NCKAP5: variants seen among roughly 807,000 people sequenced by gnomAD.
NCKAP5 encodes the protein NCK associated protein 5.
A neutral mutation model predicts 167.0 loss-of-function variants in NCKAP5; 92 were observed. That is an observed-to-expected ratio of 0.55 (90% confidence interval 0.47 to 0.66). NCKAP5 has a LOEUF of 0.66. Among genes scored for constraint, NCKAP5 ranks in the 30% least tolerant of loss-of-function variants. The probability of loss-of-function intolerance (pLI) is 0.00; values close to 1 mark genes in which losing one functional copy is unlikely to be tolerated. For missense variants in NCKAP5, 2,378 were observed against 2,315.0 expected (o/e 1.03, Z -0.56); for synonymous variants, 891 against 877.4 (o/e 1.02, Z -0.27).
At chr2:132,787,082 GCTCACA>G (rs1352604610) in intron 13 of NCKAP5, among the ~76,000 whole-genome samples, 2 of 152,176 alleles carry the variant, frequency 1.3e-5, no homozygotes, top group African/African-American at 4.8e-5. Context: ...AGGCGCAGTG[GCTCACA>G]CCTGTAATCC....
intron 2 of NCKAP5, among the ~76,000 whole-genome samples, chr2:133,538,615 C>T (rs989906361): frequency 2.6e-5 from 4 of 151,718 alleles, no homozygotes; most frequent in Non-Finnish European, 5.9e-5. Context: ...ACTTCTGTGT[C>T]CAGAGGGACA....
chr2:133,049,776 G>A (rs1410093731), intron 6 of NCKAP5, among the ~76,000 whole-genome samples: 4 of 152,092 alleles, frequency 2.6e-5, no homozygotes, highest in Admixed American at 1.3e-4. Flanking sequence ...TCCAGCATGC[G>A]ATTGTCACTC....
At chr2:132,874,698 G>C (rs2148792124) in intron 9 of NCKAP5, among the ~76,000 whole-genome samples, 1 of 152,274 alleles carries the variant, frequency 6.6e-6, no homozygotes, top group Admixed American at 6.5e-5. Flanking sequence ...TCTGATTGGA[G>C]AGGAAGAAGC....
chr2:133,045,079 G>GA (rs1300166827), intron 6 of NCKAP5, among the ~76,000 whole-genome samples: 6 of 146,370 alleles, frequency 4.1e-5, no homozygotes, highest in East Asian at 2.0e-4. Context: ...AGAAAGAAAA[G>GA]AAAAAAAAAG....
intron 19 of NCKAP5, among the ~76,000 whole-genome samples, chr2:132,722,729 T>A (rs1398765558): frequency 6.6e-6 from 1 of 152,108 alleles, no homozygotes; most frequent in African/African-American, 2.4e-5. Flanking sequence ...CAAGGGCAAA[T>A]CCAGCCTTTC....
At chr2:133,135,032 CAAT>C (rs1440241919) in intron 5 of NCKAP5, among the ~76,000 whole-genome samples, 2 of 151,942 alleles carry the variant, frequency 1.3e-5, no homozygotes, top group Non-Finnish European at 2.9e-5. Context: ...TGGAAACCAA[CAAT>C]GAGTCAAATG....
At chr2:133,627,609 A>G in the NCKAP5 span, among the ~76,000 whole-genome samples, 2 of 152,226 alleles carry the variant, frequency 1.3e-5, no homozygotes, top group Admixed American at 1.3e-4. Context: ...CCCCGTCTCC[A>G]CAAAAATACA....
chr2:132,815,409 C>T (rs941549832), intron 11 of NCKAP5, among the ~76,000 whole-genome samples: 1 of 152,156 alleles, frequency 6.6e-6, no homozygotes, highest in African/African-American at 2.4e-5. Context: ...GCTTTGAACA[C>T]TTGTTAGTAT....
intron 3 of NCKAP5, among the ~76,000 whole-genome samples, chr2:133,339,762 T>C (rs1343486708): frequency 1.3e-5 from 2 of 152,230 alleles, no homozygotes; most frequent in African/African-American, 2.4e-5. Context: ...TGGGGAAGAA[T>C]AGCTAGTCAT....
chr2:133,230,428 G>A (rs945080958), intron 4 of NCKAP5, among the ~76,000 whole-genome samples: 19 of 152,178 alleles, frequency 1.2e-4, no homozygotes, highest in Admixed American at 5.2e-4. Context: ...GAGTGAGCCA[G>A]ATACTAACCT....
At chr2:133,118,938 A>G (rs920344927) in intron 6 of NCKAP5, 2 of 152,204 alleles carry the variant, frequency 1.3e-5, no homozygotes, top group Non-Finnish European at 2.9e-5. Flanking sequence ...CACTAATGAC[A>G]TAAACATTCA....
chr2:133,287,730 G>T (rs995679243), intron 4 of NCKAP5, among the ~76,000 whole-genome samples: 6 of 152,144 alleles, frequency 3.9e-5, no homozygotes, highest in African/African-American at 1.4e-4. Context: ...CTCAAGTTCA[G>T]CAGGGAAGAC....
At chr2:133,104,869 A>C (rs1028326165) in intron 6 of NCKAP5, among the ~76,000 whole-genome samples, 2 of 152,206 alleles carry the variant, frequency 1.3e-5, no homozygotes, top group African/African-American at 2.4e-5. Flanking sequence ...CCAGATGTGA[A>C]CTCACTCACT....
chr2:133,426,349 C>T (rs1288465787), intron 3 of NCKAP5, among the ~76,000 whole-genome samples: 9 of 149,176 alleles, frequency 6.0e-5, no homozygotes, highest in Non-Finnish European at 1.0e-4. Flanking sequence ...GCAGTAAAAT[C>T]CAGAGGAAAA....
At chr2:133,343,892 C>A (rs1230150412) in intron 3 of NCKAP5, among the ~76,000 whole-genome samples, 1 of 152,210 alleles carries the variant, frequency 6.6e-6, no homozygotes, top group Non-Finnish European at 1.5e-5. Context: ...CAATTTCAGT[C>A]TAACAATGTG....
intron 8 of NCKAP5, among the ~76,000 whole-genome samples, chr2:132,888,964 T>C (rs1215742036): frequency 2.6e-5 from 4 of 152,186 alleles, no homozygotes; most frequent in Non-Finnish European, 4.4e-5. Flanking sequence ...GTGCCATCTT[T>C]GGTCTTCCAA....
the NCKAP5 span, among the ~76,000 whole-genome samples, chr2:133,609,256 G>GA: frequency 5.9e-5 from 9 of 151,738 alleles, no homozygotes; most frequent in East Asian, 3.9e-4. Context: ...AGCTTTTTGA[G>GA]AAAAAAAATA....
the NCKAP5 span, among the ~76,000 whole-genome samples, chr2:133,583,126 A>T: frequency 1.4e-5 from 2 of 145,350 alleles, no homozygotes; most frequent in East Asian, 2.0e-4. Flanking sequence ...ATGATAAAAA[A>T]ATATATATAT....
At chr2:133,178,610 G>A (rs12105097) in intron 5 of NCKAP5, among the ~76,000 whole-genome samples, 14,070 of 149,636 alleles carry the variant, frequency 0.094, 767 homozygotes, top group Non-Finnish European at 0.11. Flanking sequence ...CGGATCACGA[G>A]GTCAGAAGAT....
Sources: allele counts gnomAD v4.1 joint callset (sites outside exome capture counted in the v4.1 genomes callset), GRCh38; gene constraint gnomAD v4.1.1; transcripts MANE v1.5; gene names NCBI Gene and HGNC (gene_info 2026-07-23, HGNC 2026-07-21).